The following MSL3 variants were observed in gnomAD, a reference collection of about 807,000 sequenced individuals.
MSL3 encodes MSL complex subunit 3, also known as MSL3-like 1.
In MSL3, 5 loss-of-function variants were observed where a neutral mutation model predicts 37.2. That is an observed-to-expected ratio of 0.13 (90% confidence interval 0.07 to 0.28). The LOEUF (loss-of-function observed/expected upper bound fraction) is 0.28, where lower values mean the gene tolerates loss of function less well. Ranked by LOEUF, MSL3 falls within the 10% of genes least tolerant of loss-of-function variation. The pLI, the probability that MSL3 is intolerant of heterozygous loss-of-function variation, is 1.00. For synonymous variants in MSL3, 149 were observed against 147.6 expected (o/e 1.01, Z -0.07); for missense variants, 315 against 408.5 (o/e 0.77, Z 1.97).
Position 11,761,488 on chromosome X carries a change from T to G in MSL3, c.383-12T>G. On this transcript the variant is annotated splice_polypyrimidine_tract_variant and intron_variant, in intron 4 of 12. Coordinates refer to ENST00000312196, the MANE Select transcript of MSL3 (RefSeq NM_078629.4). ...AAAATGCGAGTTTACCGGATGCTTT[T>G]GTTTCACCTAGCATTAAGCAGTTCC... 1 of 1,165,817 alleles carries G rather than the reference T, an allele frequency of 8.6e-7. No homozygotes were observed. Among genetic ancestry groups the G allele is most frequent in the Non-Finnish European group, 1.2e-6 (1 of 863,595 alleles).
chrX:11,772,395 A>G (rs1601774527), intron 11 of MSL3, 140 bp downstream of exon 11: 1 of 509,969 alleles, frequency 2.0e-6, no homozygotes, highest in Non-Finnish European at 3.2e-6. Flanking sequence ...TAATCTATCA[A>G]AGAAAAGGCA....
rs2053139245 is a variant in MSL3 at position 11,762,187 on chromosome X, G to C, written c.523G>C (p.Glu175Gln). ...REMEERTITI[E>Q]IPEVLKKQLE... ...AATGGAAGAAAGAACAATAACTATAGAAATCCCTGAAGTTCTGAAGAAGCA... is the reference window on the plus strand; with the variant it reads ...AATGGAAGAAAGAACAATAACTATACAAATCCCTGAAGTTCTGAAGAAGCA... The change falls in exon 6 of 13, where the codon GAA becomes CAA. Residue 175 changes from glutamate (E) to glutamine (Q), a missense_variant. Physicochemically the swap from Glu to Gln is conservative, Grantham distance 29 (BLOSUM62 2). Coordinates refer to ENST00000312196, the MANE Select transcript of MSL3 (RefSeq NM_078629.4). 8.6e-7 allele frequency: 1 copy of C among 1,163,362 alleles called. No individual in the cohort carries two copies. Among genetic ancestry groups the C allele is most frequent in the African/African-American group, 1.8e-5 (1 of 54,926 alleles).
chrX:11,766,171 G>C, intron 9 of MSL3: 12 of 798,213 alleles, frequency 1.5e-5, no homozygotes, highest in Non-Finnish European at 1.8e-5. Context: ...AGAATACTCA[G>C]ATTTCCATAA....
intron 10 of MSL3, 28 bp downstream of exon 10, chrX:11,768,710 A>G (rs1298004201): frequency 9.9e-6 from 10 of 1,014,048 alleles, no homozygotes; most frequent in East Asian, 3.0e-5. Flanking sequence ...TTTGTTCCCA[A>G]TGGTTCCTTT....
At chrX:11,762,362 T>C in intron 6 of MSL3, 110 bp downstream of exon 6, 1 of 696,006 alleles carries the variant, frequency 1.4e-6, no homozygotes, top group Non-Finnish European at 2.1e-6. Context: ...GAAATTTATA[T>C]TTTTCAGCTT....
At position 11,772,631 on chromosome X, in the gene MSL3, A is replaced by G; in HGVS notation, c.1392A>G (p.Pro464=). The G allele has an allele frequency of 8.4e-7, 1 of 1,192,250 alleles. No homozygotes were observed. The highest frequency in any genetic ancestry group is 1.1e-6 in the Non-Finnish European group (1 of 880,990). ...QHLLRLFVKL[P]EILGKMSFSE... The stretch of plus-strand genomic sequence containing the variant: ...TTATTTTTAATGCAGTGAAACTTCC[A>G]GAAATCCTTGGAAAGATGTCCTTTT... The change falls in exon 12 of 13, where the codon CCA becomes CCG. Residue 464 remains proline (P), a synonymous_variant. Transcript: ENST00000312196.
At chrX:11,768,800 C>T in intron 10 of MSL3, 118 bp downstream of exon 10, 1 of 493,576 alleles carries the variant, frequency 2.0e-6, no homozygotes, top group Non-Finnish European at 3.5e-6. Flanking sequence ...TAAACATTAT[C>T]AAAATTGTAC....
chrX:11,765,395 C>T (rs1381659625), intron 8 of MSL3, 72 bp from the exon 9 acceptor site: 2 of 1,116,435 alleles, frequency 1.8e-6, no homozygotes, highest in South Asian at 2.1e-5. Context: ...GAGAGCATTT[C>T]GTGTCTTCAG....
Position 11,762,878 on chromosome X carries a change from G to C in MSL3, c.630G>C (p.Leu210Phe). 1 of 1,208,873 alleles carries C rather than the reference G, an allele frequency of 8.3e-7. No homozygotes were observed. Among genetic ancestry groups the C allele is most frequent in the South Asian group, 1.8e-5 (1 of 56,279 alleles). ...GCCAGACCAACATCATAACGATTTT[G>C]GAATCCTATGTGAAGCATTTTGCTA... ...LPCQTNIITI[L>F]ESYVKHFAIN... Residue 210 changes from leucine (L) to phenylalanine (F), a missense_variant, in exon 7 of 13, where the codon TTG becomes TTC. By Grantham distance (22) the Leu-to-Phe change is conservative. Coordinates refer to ENST00000312196, the MANE Select transcript of MSL3 (RefSeq NM_078629.4).
At chrX:11,765,900 A>G in intron 9 of MSL3, 171 bp downstream of exon 9, 1 of 1,102,681 alleles carries the variant, frequency 9.1e-7, no homozygotes, top group Non-Finnish European at 1.2e-6. Context: ...AAGTTGAAAC[A>G]CCTGGCGCAG....
At chrX:11,762,690 A>G in intron 6 of MSL3, 147 bp from the exon 7 acceptor site, 2 of 496,861 alleles carry the variant, frequency 4.0e-6, no homozygotes, top group Non-Finnish European at 6.5e-6. Context: ...AGAGATTGCG[A>G]ACATATTTAA....
chrX:11,758,467 G>A (rs2053093431), intron 1 of MSL3, 102 bp downstream of exon 1: 2 of 947,796 alleles, frequency 2.1e-6, no homozygotes, highest in African/African-American at 4.3e-5. Flanking sequence ...GACCGGCCGG[G>A]CTCCTCGGCC....
Position 11,768,664 on chromosome X carries a change from A to G in MSL3, c.1263A>G (p.Arg421=). 8.5e-7 allele frequency: 1 copy of G among 1,182,242 alleles called. No homozygotes were observed. The highest frequency in any genetic ancestry group is 1.2e-6 in the Non-Finnish European group (1 of 868,507). ...SAVFAGFEGR[R]TNEINEVLSW... is the part of the protein sequence containing the mutation. ...TGTTTGCTGGCTTTGAAGGGAGAAG[A>G]ACTAATGAAATAAACGAGGTAAAGA... The change falls in exon 10 of 13, where the codon AGA becomes AGG. Residue 421 remains arginine (R), a synonymous_variant. Transcript: ENST00000312196.
At position 11,772,221 on chromosome X, in the gene MSL3, C is replaced by T. The variant is rs1004732438; in HGVS notation, c.1347C>T (p.Tyr449=). 8.3e-7 allele frequency: 1 copy of T among 1,208,373 alleles called. No homozygotes were observed. The highest frequency in any genetic ancestry group is 1.1e-6 in the Non-Finnish European group (1 of 892,703). Reference sequence around the variant, plus strand: ...GTGACCAGCCGCCTCCACCCTCTTACATTTATGGGGCACAACATTTGCTGC... The same window carrying T: ...GTGACCAGCCGCCTCCACCCTCTTATATTTATGGGGCACAACATTTGCTGC... ...PPGDQPPPPS[Y]IYGAQHLLRL... is the part of the protein sequence containing the mutation. Residue 449 remains tyrosine, a synonymous_variant, in exon 11 of 13, where the codon TAC becomes TAT. Coordinates refer to ENST00000312196, the MANE Select transcript of MSL3 (RefSeq NM_078629.4).
chrX:11,771,599 G>A (rs2053232541), intron 10 of MSL3, among the ~76,000 whole-genome samples: 2 of 112,374 alleles, frequency 1.8e-5, no homozygotes, highest in Non-Finnish European at 1.9e-5. Flanking sequence ...GGGGAAGGGG[G>A]CCAGAGTTTC....
intron 7 of MSL3, 140 bp from the exon 8 acceptor site, chrX:11,763,640 A>G (rs2053152588): frequency 4.5e-6 from 2 of 446,569 alleles, no homozygotes; most frequent in African/African-American, 5.0e-5. Context: ...CTACAAATCC[A>G]TTTCATTTTG....
chrX:11,771,873 G>A (rs768838230), intron 10 of MSL3, among the ~76,000 whole-genome samples: 106 of 112,287 alleles, frequency 9.4e-4, no homozygotes, highest in Admixed American at 2.7e-3. Flanking sequence ...GAGCCACCGC[G>A]CCTGGCCATG....
intron 1 of MSL3, chrX:11,758,830 G>T: frequency 9.0e-7 from 1 of 1,107,145 alleles, no homozygotes; most frequent in Non-Finnish European, 1.2e-6. Flanking sequence ...GTGTCCCTGG[G>T]ACCCTAGTCC....
At chrX:11,760,742 A>G in intron 3 of MSL3, 95 bp from the exon 4 acceptor site, 1 of 731,462 alleles carries the variant, frequency 1.4e-6, no homozygotes, top group Non-Finnish European at 1.9e-6. Context: ...ATAATTTTTC[A>G]AATGTATTTC....
Sources: allele counts gnomAD v4.1 joint callset (sites outside exome capture counted in the v4.1 genomes callset), GRCh38; gene constraint gnomAD v4.1.1; transcripts MANE v1.5; gene names NCBI Gene and HGNC (gene_info 2026-07-23, HGNC 2026-07-21).